The following ZNF536 variants were observed in gnomAD, a reference collection of about 807,000 sequenced individuals.
ZNF536 encodes zinc finger protein 536.
Under a neutral mutation model 84.5 loss-of-function variants are expected in ZNF536, and 13 were observed. That is an observed-to-expected ratio of 0.15 (90% confidence interval 0.10 to 0.24). The LOEUF is 0.24. Among genes scored for constraint, ZNF536 ranks in the 10% least tolerant of loss-of-function variants. The probability of loss-of-function intolerance (pLI) is 1.00; values close to 1 mark genes in which losing one functional copy is unlikely to be tolerated. For missense variants in ZNF536, 1,536 were observed against 1,747.5 expected, an observed-to-expected ratio of 0.88 and a Z score of 2.16; for synonymous variants, 811 against 742.5, an observed-to-expected ratio of 1.09 and a Z score of -1.50.
At chr19:30,644,726 A>G (rs1189872707) in intron 1 of ZNF536, among the ~76,000 whole-genome samples, 3 of 152,166 alleles carry the variant, frequency 2.0e-5, no homozygotes, top group Non-Finnish European at 4.4e-5. Context: ...ACAGTATTCT[A>G]TGGTGTATAT....
chr19:30,420,328 C>T (rs2050901311), intron 1 of ZNF536, among the ~76,000 whole-genome samples: 1 of 152,196 alleles, frequency 6.6e-6, no homozygotes, highest in South Asian at 2.1e-4. Flanking sequence ...AGACCAACTT[C>T]CTTATACCCC....
intron 1 of ZNF536, among the ~76,000 whole-genome samples, chr19:30,372,970 A>G (rs2048667889): frequency 6.6e-6 from 1 of 152,206 alleles, no homozygotes; most frequent in Admixed American, 6.5e-5. Context: ...CTGAAAGATG[A>G]GCATGAATTC....
chr19:30,406,263 A>C (rs574545994), intron 1 of ZNF536, among the ~76,000 whole-genome samples: 1 of 152,204 alleles, frequency 6.6e-6, no homozygotes, highest in African/African-American at 2.4e-5. Flanking sequence ...ACCGCGATGC[A>C]TGCCCAGGGA....
chr19:30,281,158 G>C (rs1375400977), intron 1 of ZNF536, among the ~76,000 whole-genome samples: 1 of 152,040 alleles, frequency 6.6e-6, no homozygotes, highest in East Asian at 1.9e-4. Flanking sequence ...TTCCACTCCT[G>C]CTCTTGTCTC....
At chr19:30,532,562 T>C (rs1397443716) in intron 2 of ZNF536, among the ~76,000 whole-genome samples, 1 of 152,194 alleles carries the variant, frequency 6.6e-6, no homozygotes, top group Non-Finnish European at 1.5e-5. Flanking sequence ...ATCTCGACTA[T>C]GTTGCCAGGA....
At chr19:30,281,861 A>C (rs8105971) in intron 1 of ZNF536, among the ~76,000 whole-genome samples, 1 of 151,894 alleles carries the variant, frequency 6.6e-6, no homozygotes, top group African/African-American at 2.4e-5. Context: ...AACTGGGCTC[A>C]TGGACAGAGT....
intron 2 of ZNF536, among the ~76,000 whole-genome samples, chr19:30,328,070 G>C (rs1313935892): frequency 6.6e-6 from 1 of 152,194 alleles, no homozygotes; most frequent in African/African-American, 2.4e-5. Context: ...CAAATGCTTG[G>C]CAGAGGGCAG....
Position 30,557,282 on chromosome 19 carries a change from G to A in ZNF536, c.*118G>A. On this transcript the variant is annotated 3_prime_UTR_variant, in exon 5 of 5. Transcript: ENST00000355537. ...GAGAAGAATGTATACACATATGTGT[G>A]TTGAATAATTACTATTGGCATAGGT... 1 of 1,155,944 alleles carries A rather than the reference G, an allele frequency of 8.7e-7. No homozygotes were observed. Among genetic ancestry groups the A allele is most frequent in the Non-Finnish European group, 1.3e-6 (1 of 776,478 alleles). The allele number at this position is 1,155,944 out of a possible 1,614,324, so 71.6% of individuals were successfully genotyped here. A position where few individuals can be genotyped will look rare whatever the true frequency, so the allele number is the denominator to read the frequency against.
chr19:30,523,051 T>C (rs1017987192), intron 2 of ZNF536, among the ~76,000 whole-genome samples: 2 of 152,102 alleles, frequency 1.3e-5, no homozygotes, highest in African/African-American at 4.8e-5. Flanking sequence ...TTGGAGGAGC[T>C]GCCCCAACTG....
intron 1 of ZNF536, among the ~76,000 whole-genome samples, chr19:30,615,933 T>C (rs2048279394): frequency 6.6e-6 from 1 of 152,204 alleles, no homozygotes; most frequent in African/African-American, 2.4e-5. Context: ...TCTCTCATTG[T>C]ATCCCATTGT....
chr19:30,465,464 T>G (rs1341752093), intron 2 of ZNF536, among the ~76,000 whole-genome samples: 1 of 152,238 alleles, frequency 6.6e-6, no homozygotes, highest in Non-Finnish European at 1.5e-5. Flanking sequence ...TTCTTTCTTG[T>G]GTATTTGTTG....
chr19:30,340,793 A>T (rs1219225064), intron 2 of ZNF536, among the ~76,000 whole-genome samples: 1 of 152,244 alleles, frequency 6.6e-6, no homozygotes, highest in Non-Finnish European at 1.5e-5. Flanking sequence ...GCAGGTATAC[A>T]GTCACCAAAG....
intron 1 of ZNF536, among the ~76,000 whole-genome samples, chr19:30,259,580 T>C (rs1488783369): frequency 1.3e-5 from 2 of 152,208 alleles, no homozygotes; most frequent in Non-Finnish European, 2.9e-5. Context: ...TCAGGGGTTA[T>C]AAAATGGCAG....
rs1290555688 is a variant in ZNF536 at position 30,442,193 on chromosome 19, G to A, written c.-2-1368G>A. ...GCTGGAAATAGAAGGATCCCAGGCA[G>A]GGGTTCATTGCCTTGCAAAGCTGAG... On this transcript the variant is annotated intron_variant, in intron 1 of 4. Coordinates refer to ENST00000355537, the MANE Select transcript of ZNF536 (RefSeq NM_014717.3). Among the ~76,000 whole-genome samples, 3 of 152,230 alleles carry A rather than the reference G, an allele frequency of 2.0e-5. No individual in the cohort carries two copies. In the East Asian group the frequency reaches 5.8e-4, roughly 29 times the overall value.
In ZNF536 at chr19:30,583,965, A is replaced by G. The variant is rs569324112; in HGVS notation, c.169+34451A>G. Among the ~76,000 whole-genome samples the G allele has an allele frequency of 2.6e-3, 390 of 152,252 alleles. 5 individuals carry two copies. The highest frequency in any genetic ancestry group is 1.4e-3 in the Non-Finnish European group (97 of 68,008). The stretch of plus-strand genomic sequence containing the variant: ...GAAAGTGGTTCTCTCACTCAGGGAA[A>G]CTGCCCATTGGCTCAGGGTGGGATG... On this transcript the variant is annotated intron_variant, in intron 1 of 1. Coordinates refer to the ZNF536 transcript ENST00000592773.
chr19:30,494,786 A>T (rs891023136), intron 2 of ZNF536, among the ~76,000 whole-genome samples: 12 of 151,912 alleles, frequency 7.9e-5, no homozygotes, highest in Non-Finnish European at 1.8e-4. Flanking sequence ...TCTCTACTAA[A>T]AATACAAAAA....
intron 1 of ZNF536, among the ~76,000 whole-genome samples, chr19:30,612,687 T>C (rs1432976124): frequency 6.6e-6 from 1 of 152,244 alleles, no homozygotes; most frequent in Admixed American, 6.5e-5. Context: ...ATATCAGATT[T>C]TCTAAAAGAG....
At chr19:30,468,487 C>G (rs1011099866) in intron 2 of ZNF536, among the ~76,000 whole-genome samples, 1 of 152,122 alleles carries the variant, frequency 6.6e-6, no homozygotes, top group Non-Finnish European at 1.5e-5. Flanking sequence ...GGATCTCCCC[C>G]GCCACTCTGG....
rs763550457 is a variant in ZNF536 at position 30,548,719 on chromosome 19, A to G, written c.3100A>G (p.Thr1034Ala). ...GGGCAAAGCGAAACGCAAAGATAAC[A>G]CCATCGGGGTCACAGTCAACTGCAA... ...HLGKAKRKDN[T>A]IGVTVNCKDQ... The change falls in exon 4 of 5, where the codon ACC (threonine) becomes GCC (alanine). Residue 1034 changes from threonine (T) to alanine (A), a missense_variant. This residue lies in a region of ZNF536 where 624 missense variants were observed against 603.1 expected (regional missense o/e 1.03). Transcript: ENST00000355537. 8.1e-6 allele frequency: 13 copies of G among 1,613,802 alleles called. No individual in the cohort carries two copies. In the South Asian group the frequency reaches 1.4e-4, roughly 18 times the overall value.
Sources: allele counts gnomAD v4.1 joint callset (sites outside exome capture counted in the v4.1 genomes callset), GRCh38; gene constraint gnomAD v4.1.1; regional missense constraint gnomAD v4.1.1; transcripts MANE v1.5; gene names NCBI Gene and HGNC (gene_info 2026-07-23, HGNC 2026-07-21).